Variants in SP100 observed in about 807,000 individuals in gnomAD.
SP100 encodes SP100 nuclear body protein, also known as nuclear autoantigen Sp-100.
Under a neutral mutation model 130.0 loss-of-function variants are expected in SP100, and 84 were observed. That is an observed-to-expected ratio of 0.65 (90% confidence interval 0.54 to 0.77). The LOEUF (loss-of-function observed/expected upper bound fraction) is 0.77, where lower values mean the gene tolerates loss of function less well. Among genes scored for constraint, SP100 ranks in the 30% least tolerant of loss-of-function variants. The pLI is 0.00. For synonymous variants in SP100, 331 were observed against 351.7 expected (o/e 0.94, Z 0.66); for missense variants, 978 against 1,052.2 (o/e 0.93, Z 0.97).
chr2:230,419,645 A>G (rs1442975822), intron 2 of SP100, among the ~76,000 whole-genome samples: 2 of 152,212 alleles, frequency 1.3e-5, no homozygotes. Flanking sequence ...AAGAGACCAC[A>G]TTTACATAAT....
chr2:230,473,200 T>C (rs1575686739), intron 15 of SP100, 124 bp from the exon 16 acceptor site: 1 of 603,658 alleles, frequency 1.7e-6, no homozygotes, highest in South Asian at 2.3e-5. Context: ...GAAAAAGAGA[T>C]TTCAGATGTA....
rs544521977 is a variant in SP100 at position 230,428,344 on chromosome 2, G to T, written c.107+10679G>T. Among the ~76,000 whole-genome samples, 10 of 152,324 alleles carry T rather than the reference G, an allele frequency of 6.6e-5. No individual in the cohort carries two copies. The South Asian group carries it at 8.3e-4, about 13-fold the overall frequency. ...CTGTACAGGAGGCATGGCTGGGGAG[G>T]CCTCAGAAAACTTACAATCATGGTG... On this transcript the variant is annotated intron_variant, in intron 2 of 28. Transcript: ENST00000340126.
Position 230,428,212 on chromosome 2 carries a change from A to G in SP100, c.107+10547A>G, listed in dbSNP as rs554685588. Among the ~76,000 whole-genome samples the G allele has an allele frequency of 6.6e-5, 10 of 152,324 alleles. No homozygotes were observed. In the East Asian group the frequency reaches 1.9e-3, roughly 29 times the overall value. On this transcript the variant is annotated intron_variant, in intron 2 of 28. Transcript: ENST00000340126. ...ACTCCAGCCTGGTTGACAGAGCAAA[A>G]GCAAGACTCTGTCTCAAAAAAAATA...
rs968585822 is a variant in SP100, at chr2:230,477,573, T to A, written c.1600+3126T>A. Reference sequence around the variant, plus strand: ...TCCACACTATGGCATGGTGACATGGTGATTTGAATCACCACTTTGATTACA... The same window carrying A: ...TCCACACTATGGCATGGTGACATGGAGATTTGAATCACCACTTTGATTACA... On this transcript the variant is annotated intron_variant, in intron 17 of 28. Transcript: ENST00000340126. Among the ~76,000 whole-genome samples, 5 of 152,302 alleles carry A rather than the reference T, an allele frequency of 3.3e-5. No homozygotes were observed. The East Asian group carries it at 9.6e-4, about 29-fold the overall frequency.
intron 24 of SP100, among the ~76,000 whole-genome samples, chr2:230,536,422 C>T (rs1255069722): frequency 6.6e-6 from 1 of 151,912 alleles, no homozygotes; most frequent in African/African-American, 2.4e-5. Context: ...AGAAATTGAC[C>T]CTCTCAGTCT....
chr2:230,464,260 C>G (rs1003699246), intron 11 of SP100, 110 bp downstream of exon 11: 6 of 681,098 alleles, frequency 8.8e-6, no homozygotes, highest in Non-Finnish European at 1.6e-5. Context: ...TGCCTTGATT[C>G]CATAAATTCT....
chr2:230,461,794 T>A (rs1489953927), intron 9 of SP100, among the ~76,000 whole-genome samples: 1 of 150,766 alleles, frequency 6.6e-6, no homozygotes, highest in South Asian at 2.1e-4. Flanking sequence ...ACAAAAAATA[T>A]AAAAATTAGC....
chr2:230,416,372 A>T (rs752523022), intron 1 of SP100, 44 bp downstream of exon 1: 11 of 1,571,644 alleles, frequency 7.0e-6, no homozygotes, highest in Non-Finnish European at 8.7e-6. Flanking sequence ...CTCTGGCTAT[A>T]TTGCAGCTTT....
At chr2:230,532,506 T>C (rs946612601) in intron 24 of SP100, among the ~76,000 whole-genome samples, 11 of 150,996 alleles carry the variant, frequency 7.3e-5, no homozygotes, top group African/African-American at 2.7e-4. Flanking sequence ...TTATTAAAAT[T>C]AAGTGACATT....
intron 17 of SP100, among the ~76,000 whole-genome samples, chr2:230,487,747 T>C (rs2066182246): frequency 6.6e-6 from 1 of 152,260 alleles, no homozygotes; most frequent in African/African-American, 2.4e-5. Flanking sequence ...TTGATGGGAA[T>C]GGCATTGAAT....
chr2:230,455,501 T>C (rs1301519495), intron 8 of SP100, among the ~76,000 whole-genome samples: 1 of 152,246 alleles, frequency 6.6e-6, no homozygotes, highest in Non-Finnish European at 1.5e-5. Flanking sequence ...TTTCAGTCTA[T>C]GTGTTTCCTT....
intron 2 of SP100, among the ~76,000 whole-genome samples, chr2:230,429,304 T>A (rs1426048480): frequency 6.6e-6 from 1 of 152,190 alleles, no homozygotes; most frequent in African/African-American, 2.4e-5. Flanking sequence ...GAGGAGGAGG[T>A]TTCTGCCGAG....
chr2:230,465,129 G>A (rs546184506), intron 11 of SP100, among the ~76,000 whole-genome samples: 18 of 152,252 alleles, frequency 1.2e-4, no homozygotes, highest in South Asian at 8.3e-4. Context: ...CCAGCCACTC[G>A]GGAGGCTGAG....
chr2:230,515,236 G>A, intron 24 of SP100: 1 of 1,613,404 alleles, frequency 6.2e-7, no homozygotes. Flanking sequence ...GGCCCATTAT[G>A]AAAGAGAAAT....
intron 11 of SP100, 39 bp from the exon 12 acceptor site, chr2:230,466,262 T>C: frequency 1.7e-6 from 2 of 1,193,454 alleles, no homozygotes; most frequent in Non-Finnish European, 2.5e-6. Context: ...TATAAGTCTC[T>C]TGCATACAAA....
chr2:230,419,995 C>T (rs1459781205), intron 2 of SP100, among the ~76,000 whole-genome samples: 2 of 152,092 alleles, frequency 1.3e-5, no homozygotes, highest in Non-Finnish European at 2.9e-5. Flanking sequence ...TTGAGAGACA[C>T]TAAATGAACA....
intron 2 of SP100, among the ~76,000 whole-genome samples, chr2:230,425,486 A>G (rs2062899890): frequency 6.6e-6 from 1 of 152,198 alleles, no homozygotes; most frequent in Non-Finnish European, 1.5e-5. Context: ...AAGTTTTCAA[A>G]TCCTTTTTCT....
intron 17 of SP100, among the ~76,000 whole-genome samples, chr2:230,488,515 G>A (rs140193562): frequency 0.019 from 2,923 of 152,176 alleles, 40 homozygotes; most frequent in Admixed American, 0.032. Context: ...CCAGGTTCAC[G>A]GCATTCTCCC....
rs536158714 is a variant in SP100, at chr2:230,494,543, C to T, written c.1645+83C>T. On this transcript the variant is annotated intron_variant, in intron 18 of 28. Coordinates refer to ENST00000340126, the MANE Select transcript of SP100 (RefSeq NM_001080391.2). Reference sequence around the variant, plus strand: ...CCAGACCCCATCTTTGCTGCAGCCTCAGAATCTCCTATGGGCCACGGTAGC... The same window carrying T: ...CCAGACCCCATCTTTGCTGCAGCCTTAGAATCTCCTATGGGCCACGGTAGC... The T allele has an allele frequency of 3.0e-5, 31 of 1,043,894 alleles. No individual in the cohort carries two copies. The African/African-American group carries it at 4.9e-4, about 17-fold the overall frequency. The allele number at this position is 1,043,894 out of a possible 1,614,324, so 64.7% of individuals were successfully genotyped here.
Sources: allele counts gnomAD v4.1 joint callset (sites outside exome capture counted in the v4.1 genomes callset), GRCh38; gene constraint gnomAD v4.1.1; transcripts MANE v1.5; gene names NCBI Gene and HGNC (gene_info 2026-07-23, HGNC 2026-07-21).